SEC11A: variants seen among roughly 807,000 people sequenced by gnomAD.
The protein encoded by SEC11A is SEC11 homolog A, signal peptidase complex subunit, also known as signal peptidase complex catalytic subunit SEC11A.
SEC11A carries 14 observed loss-of-function variants against 25.6 expected under a neutral mutation model. The ratio of observed to expected loss-of-function variants is 0.55; its 90% CI spans 0.36 to 0.85. The LOEUF (loss-of-function observed/expected upper bound fraction) is 0.85. Among genes scored for constraint, SEC11A ranks in the 40% least tolerant of loss-of-function variants. The probability of loss-of-function intolerance (pLI) is 0.01; values close to 1 mark genes in which losing one functional copy is unlikely to be tolerated. For missense variants in SEC11A, 153 were observed against 222.9 expected (o/e 0.69, Z 2.00); for synonymous variants, 83 against 76.4 (o/e 1.09, Z -0.45).
intron 1 of SEC11A, among the ~76,000 whole-genome samples, chr15:84,707,239 G>A (rs1898123039): frequency 7.1e-6 from 1 of 140,968 alleles, no homozygotes; most frequent in Admixed American, 7.6e-5. Context: ...AGCCTGGAGT[G>A]CAGTGGCGCA....
chr15:84,703,389 G>A (rs747910907), intron 1 of SEC11A, among the ~76,000 whole-genome samples: 53 of 152,192 alleles, frequency 3.5e-4, no homozygotes, highest in Non-Finnish European at 5.7e-4. Context: ...ATATGAGCAA[G>A]TGACTCAGAT....
At chr15:84,714,148 TG>T (rs1258273302) in intron 1 of SEC11A, among the ~76,000 whole-genome samples, 3 of 151,156 alleles carry the variant, frequency 2.0e-5, no homozygotes, top group Non-Finnish European at 4.4e-5. Context: ...CCTGAGTAGC[TG>T]GAACTACAGG....
In SEC11A at chr15:84,687,784, AAAG is replaced by A. The variant is rs770849210; in HGVS notation, c.162-13_162-11del. On this transcript the variant is annotated splice_polypyrimidine_tract_variant and intron_variant, in intron 2 of 5. Transcript: ENST00000268220. ...AGGTTCCATGCTGCCACTGGAAGGG[AAAG>A]AAGAATATAACAGCAAAAAGAAAGT... The A allele has an allele frequency of 1.9e-6, 3 of 1,585,640 alleles. No individual in the cohort carries two copies. Among genetic ancestry groups the A allele is most frequent in the Non-Finnish European group, 2.6e-6 (3 of 1,172,592 alleles).
At chr15:84,689,483 A>T (rs1315870036) in intron 2 of SEC11A, among the ~76,000 whole-genome samples, 4 of 152,126 alleles carry the variant, frequency 2.6e-5, no homozygotes, top group African/African-American at 9.7e-5. Context: ...ATGCACTATT[A>T]TTTAGATTCT....
chr15:84,674,969 G>A (rs1897098715), intron 4 of SEC11A, among the ~76,000 whole-genome samples: 4 of 152,110 alleles, frequency 2.6e-5, no homozygotes, highest in African/African-American at 7.2e-5. Flanking sequence ...AGAATATGAC[G>A]AGGCAGTTCA....
At chr15:84,687,898 T>C in intron 2 of SEC11A, 124 bp from the exon 3 acceptor site, 2 of 767,082 alleles carry the variant, frequency 2.6e-6, no homozygotes, top group Non-Finnish European at 4.0e-6. Flanking sequence ...CTAACAACTA[T>C]ATCAACAGAA....
intron 3 of SEC11A, among the ~76,000 whole-genome samples, chr15:84,686,329 C>T (rs1897420466): frequency 6.6e-6 from 1 of 152,020 alleles, no homozygotes; most frequent in Non-Finnish European, 1.5e-5. Context: ...AACTGAAATC[C>T]ACCAGGTGCA....
At chr15:84,678,722 G>A (rs563322550) in intron 4 of SEC11A, among the ~76,000 whole-genome samples, 1 of 152,084 alleles carries the variant, frequency 6.6e-6, no homozygotes, top group African/African-American at 2.4e-5. Flanking sequence ...GCTGGGTGCC[G>A]TGGCTCATGC....
In SEC11A at chr15:84,693,463, C is replaced by CTTT. The variant is rs11453399; in HGVS notation, c.52-1822_52-1820dup. On this transcript the variant is annotated intron_variant, in intron 1 of 5. Transcript: ENST00000268220. ...AATTCATGTTTTCTTTTTTTCTCTT[C>CTTT]TTTTTTTTTTTTGAGACAGGGTCTT... Among the ~76,000 whole-genome samples the CTTT allele has an allele frequency of 4.9e-5, 7 of 143,780 alleles. No individual in the cohort carries two copies. The East Asian group carries it at 6.0e-4, about 12-fold the overall frequency. 94.3% of individuals were successfully genotyped at this position (143,780 alleles called of 152,430 possible).
rs1456163254 is a variant in SEC11A, at chr15:84,680,777, G to A, written c.367C>T (p.Arg123Ter). The change falls in exon 4 of 6, where the codon CGA (arginine) becomes TGA (stop). Residue 123 changes from arginine (R) to a stop codon, truncating the protein, a stop_gained. Coordinates refer to ENST00000268220, the MANE Select transcript of SEC11A (RefSeq NM_014300.4). LOFTEE classifies it high-confidence loss of function. ...TKGDNNAVDD[R>*]GLYKQGQHWL... ...TGTTGTCCTTGTTTATAGAGGCCTCGGTCATCAACCGCATTATTATCTCCT... is the reference window on the plus strand; with the variant it reads ...TGTTGTCCTTGTTTATAGAGGCCTCAGTCATCAACCGCATTATTATCTCCT... 4 of 1,610,972 alleles carry A rather than the reference G, an allele frequency of 2.5e-6. No homozygotes were observed. The highest frequency in any genetic ancestry group is 1.3e-5 in the African/African-American group (1 of 74,924).
intron 1 of SEC11A, among the ~76,000 whole-genome samples, chr15:84,693,237 G>A (rs912664292): frequency 2.6e-5 from 4 of 151,936 alleles, no homozygotes; most frequent in African/African-American, 9.7e-5. Flanking sequence ...AGATTAAAAA[G>A]TACTAAAGAG....
intron 5 of SEC11A, 130 bp from the exon 6 acceptor site, chr15:84,670,199 A>G (rs2141861790): frequency 1.3e-6 from 1 of 782,216 alleles, no homozygotes; most frequent in East Asian, 2.9e-5. Context: ...TCTTTTAACT[A>G]TAATCCATTT....
intron 2 of SEC11A, among the ~76,000 whole-genome samples, 180 bp from the exon 3 acceptor site, chr15:84,687,954 C>G (rs143204527): frequency 6.6e-6 from 1 of 152,116 alleles, no homozygotes; most frequent in Non-Finnish European, 1.5e-5. Context: ...TAAAAAGTTA[C>G]GCCAAAGGAT....
rs1369569532 is a variant in SEC11A, at chr15:84,670,088, A to C, written c.490-19T>G. ...CTGCATACTAGAAAATAAACACAGA[A>C]CCACAAGTCAGAGAAGCGTTGAAAA... On this transcript the variant is annotated intron_variant, in intron 5 of 5. Transcript: ENST00000268220. The C allele has an allele frequency of 1.2e-6, 2 of 1,610,416 alleles. No individual in the cohort carries two copies. Among genetic ancestry groups the C allele is most frequent in the Non-Finnish European group, 1.7e-6 (2 of 1,178,426 alleles).
intron 1 of SEC11A, among the ~76,000 whole-genome samples, chr15:84,701,905 A>G (rs1217187354): frequency 6.6e-6 from 1 of 151,800 alleles, no homozygotes; most frequent in Non-Finnish European, 1.5e-5. Context: ...CATCTTCACT[A>G]AAAATACACA....
intron 4 of SEC11A, among the ~76,000 whole-genome samples, chr15:84,677,796 A>G (rs988562480): frequency 2.0e-5 from 3 of 152,176 alleles, no homozygotes; most frequent in Non-Finnish European, 4.4e-5. Context: ...AAAATTGTCC[A>G]GAAGACAAGT....
At chr15:84,687,034 G>A (rs1897447510) in intron 3 of SEC11A, 1 of 152,166 alleles carries the variant, frequency 6.6e-6, no homozygotes. Flanking sequence ...CACCACACCT[G>A]GCTAATTTTT....
At chr15:84,703,961 T>G (rs1018835532) in intron 1 of SEC11A, among the ~76,000 whole-genome samples, 2 of 152,136 alleles carry the variant, frequency 1.3e-5, no homozygotes, top group African/African-American at 4.8e-5. Flanking sequence ...CCCAACGGAC[T>G]CATGACCAAA....
chr15:84,710,000 C>T (rs894782917), intron 1 of SEC11A, among the ~76,000 whole-genome samples: 2 of 152,292 alleles, frequency 1.3e-5, no homozygotes, highest in Non-Finnish European at 2.9e-5. Flanking sequence ...ATCTCGGCCT[C>T]CACCATTACA....
Sources: gnomAD v4.1 joint callset for allele counts (sites outside exome capture counted in the v4.1 genomes callset) on GRCh38, gnomAD v4.1.1 for gene constraint, MANE v1.5 for transcripts, NCBI Gene and HGNC (gene_info 2026-07-23, HGNC 2026-07-21) for gene names.